Variants in ERBB4 observed in about 807,000 individuals in gnomAD.
The protein encoded by ERBB4 is receptor tyrosine-protein kinase erbB-4.
ERBB4 carries 42 observed loss-of-function variants against 158.0 expected under a neutral mutation model. The ratio of observed to expected loss-of-function variants is 0.27; its 90% CI spans 0.21 to 0.34. The LOEUF (loss-of-function observed/expected upper bound fraction) is 0.34, where lower values mean the gene tolerates loss of function less well. ERBB4 is among the 10% of genes least tolerant of loss of function. The pLI, the probability that ERBB4 is intolerant of heterozygous loss-of-function variation, is 1.00. For missense variants in ERBB4, 1,333 were observed against 1,624.1 expected, an observed-to-expected ratio of 0.82 and a Z score of 3.08; for synonymous variants, 583 against 558.7, an observed-to-expected ratio of 1.04 and a Z score of -0.61.
At chr2:211,427,305 C>T (rs2125419431) in intron 22 of ERBB4, among the ~76,000 whole-genome samples, 1 of 152,048 alleles carries the variant, frequency 6.6e-6, no homozygotes, top group African/African-American at 2.4e-5. Context: ...TTAAATCTCA[C>T]CACCACCCTT....
intron 1 of ERBB4, among the ~76,000 whole-genome samples, chr2:212,320,069 C>G (rs887407091): frequency 3.9e-4 from 58 of 149,992 alleles, no homozygotes; most frequent in Admixed American, 1.1e-3. Context: ...GTGGACAAAT[C>G]TAAGCAAGTA....
At chr2:212,506,537 A>C (rs1464380393) in intron 1 of ERBB4, among the ~76,000 whole-genome samples, 2 of 152,154 alleles carry the variant, frequency 1.3e-5, no homozygotes, top group Non-Finnish European at 2.9e-5. Context: ...ATAACAAAAA[A>C]AAAAAAAAGT....
intron 3 of ERBB4, among the ~76,000 whole-genome samples, chr2:211,816,757 C>T (rs1339853962): frequency 6.6e-6 from 1 of 152,040 alleles, no homozygotes; most frequent in Non-Finnish European, 1.5e-5. Context: ...CAACAAAACA[C>T]AGAACTCTCC....
intron 1 of ERBB4, among the ~76,000 whole-genome samples, chr2:212,394,889 G>T (rs545305188): frequency 6.6e-6 from 1 of 152,180 alleles, no homozygotes; most frequent in Admixed American, 6.6e-5. Context: ...TTTTGACTTT[G>T]GGATACACTG....
At chr2:211,755,022 A>G (rs1249648627) in intron 4 of ERBB4, among the ~76,000 whole-genome samples, 1 of 152,138 alleles carries the variant, frequency 6.6e-6, no homozygotes, top group Non-Finnish European at 1.5e-5. Context: ...TTTTGAAGCT[A>G]TGTGAGAAAA....
In ERBB4 at chr2:211,381,807, G is replaced by A. The variant is rs528889166; in HGVS notation, c.*1808C>T. ...ATCTTATACTATTGATTCTAATTTG[G>A]TCCCAATATTTTAACATTAGAAATA... On this transcript the variant is annotated 3_prime_UTR_variant, in exon 28 of 28. Transcript: ENST00000342788. 1 of 229,030 alleles carries A rather than the reference G, an allele frequency of 4.4e-6. No homozygotes were observed. The highest frequency in any genetic ancestry group is 6.2e-5 in the East Asian group (1 of 16,016). 14.2% of individuals were successfully genotyped at this position (229,030 alleles called of 1,614,324 possible). A position where few individuals can be genotyped will look rare whatever the true frequency, so the allele number is the denominator to read the frequency against.
intron 1 of ERBB4, among the ~76,000 whole-genome samples, chr2:212,176,315 T>C (rs533161788): frequency 6.6e-6 from 1 of 152,012 alleles, no homozygotes; most frequent in South Asian, 2.1e-4. Flanking sequence ...GGGTGGAGTC[T>C]TTGGGAAGTA....
intron 16 of ERBB4, among the ~76,000 whole-genome samples, chr2:211,650,977 C>T (rs970859744): frequency 2.0e-5 from 3 of 152,154 alleles, no homozygotes; most frequent in African/African-American, 4.8e-5. Flanking sequence ...TTGGACAGTG[C>T]AGGTCTAGAG....
At chr2:211,574,681 T>G (rs1306542825) in intron 19 of ERBB4, among the ~76,000 whole-genome samples, 1 of 152,234 alleles carries the variant, frequency 6.6e-6, no homozygotes, top group Non-Finnish European at 1.5e-5. Flanking sequence ...ATACTAGAAC[T>G]AGAATAAATC....
chr2:212,112,737 A>C (rs1308885896), intron 2 of ERBB4, among the ~76,000 whole-genome samples: 1 of 152,150 alleles, frequency 6.6e-6, no homozygotes, highest in Non-Finnish European at 1.5e-5. Context: ...TAGGCATAAA[A>C]CCAGCACAGT....
chr2:212,435,885 T>G (rs2092125348), intron 1 of ERBB4, among the ~76,000 whole-genome samples: 2 of 151,898 alleles, frequency 1.3e-5, no homozygotes, highest in African/African-American at 4.8e-5. Flanking sequence ...CACTTATAAA[T>G]TTATATTTAA....
chr2:211,516,991 T>A (rs1003499213), intron 20 of ERBB4, among the ~76,000 whole-genome samples: 1 of 152,184 alleles, frequency 6.6e-6, no homozygotes, highest in African/African-American at 2.4e-5. Context: ...ACTGAGCTTC[T>A]AAAGAAAAAC....
At chr2:212,188,169 T>G (rs1490984597) in intron 1 of ERBB4, among the ~76,000 whole-genome samples, 1 of 143,330 alleles carries the variant, frequency 7.0e-6, no homozygotes, top group Non-Finnish European at 1.5e-5. Context: ...CAGATCTCCC[T>G]TATAATACCT....
intron 1 of ERBB4, among the ~76,000 whole-genome samples, chr2:212,281,648 G>C (rs2085763045): frequency 6.6e-6 from 1 of 151,680 alleles, no homozygotes; most frequent in African/African-American, 2.4e-5. Context: ...GAAGTGTATT[G>C]TTTCTAGAAA....
chr2:211,422,274 G>A (rs971349880), intron 23 of ERBB4, among the ~76,000 whole-genome samples, 170 bp from the exon 24 acceptor site: 10 of 151,826 alleles, frequency 6.6e-5, no homozygotes, highest in African/African-American at 1.9e-4. Flanking sequence ...AGGCTTTATC[G>A]GTCTCTTTGT....
chr2:211,638,776 T>C (rs2070456758), intron 16 of ERBB4, among the ~76,000 whole-genome samples: 1 of 152,190 alleles, frequency 6.6e-6, no homozygotes, highest in Non-Finnish European at 1.5e-5. Context: ...AAATATAATC[T>C]GATCCTTTTA....
rs928334667 is a variant in ERBB4, at chr2:211,910,228, A to T, written c.421+37202T>A. Among the ~76,000 whole-genome samples the T allele has an allele frequency of 1.3e-5, 2 of 151,504 alleles. 1 individual carries two copies. Among genetic ancestry groups the T allele is most frequent in the Admixed American group, 1.3e-4 (2 of 15,154 alleles). The stretch of plus-strand genomic sequence containing the variant: ...TACCATGCCTGGCCAACTTTAATAA[A>T]TTTAAATTGTTCATATTTGCAGATG... On this transcript the variant is annotated intron_variant, in intron 3 of 27. Coordinates refer to ENST00000342788, the MANE Select transcript of ERBB4 (RefSeq NM_005235.3).
chr2:212,244,796 A>C (rs948702245), intron 1 of ERBB4, among the ~76,000 whole-genome samples: 2 of 152,110 alleles, frequency 1.3e-5, no homozygotes, highest in African/African-American at 4.8e-5. Flanking sequence ...ATCTCATCCC[A>C]CTTTCTAAAT....
chr2:211,455,386 A>T (rs13386439), intron 20 of ERBB4, among the ~76,000 whole-genome samples: 35,369 of 152,102 alleles, frequency 0.23, 5,199 homozygotes, highest in African/African-American at 0.41. Context: ...GTTGCCAGGG[A>T]CAATGGGTTC....
Sources: allele counts gnomAD v4.1 joint callset (sites outside exome capture counted in the v4.1 genomes callset), GRCh38; gene constraint gnomAD v4.1.1; transcripts MANE v1.5; gene names NCBI Gene and HGNC (gene_info 2026-07-23, HGNC 2026-07-21).